Variants in TENM2 observed in about 807,000 individuals in gnomAD.
TENM2 encodes the protein teneurin transmembrane protein 2, also known as teneurin-2.
A neutral mutation model predicts 245.2 loss-of-function variants in TENM2; 52 were observed. That is an observed-to-expected ratio of 0.21 (90% CI 0.17 to 0.27). The LOEUF is 0.27. Ranked by LOEUF, TENM2 falls within the 10% of genes least tolerant of loss-of-function variation. The pLI, the probability that TENM2 is intolerant of heterozygous loss-of-function variation, is 1.00. For synonymous variants in TENM2, 1,363 were observed against 1,438.9 expected (o/e 0.95, Z 1.19); for missense variants, 3,046 against 3,666.8 (o/e 0.83, Z 4.37).
intron 9 of TENM2, among the ~76,000 whole-genome samples, chr5:168,099,776 G>C (rs1793658709): frequency 6.6e-6 from 1 of 152,186 alleles, no homozygotes; most frequent in South Asian, 2.1e-4. Context: ...GATAAGTGAA[G>C]GGGGCTTTCT....
chr5:168,181,701 G>A (rs1421940963), intron 13 of TENM2, among the ~76,000 whole-genome samples: 1 of 121,864 alleles, frequency 8.2e-6, no homozygotes, highest in Non-Finnish European at 1.6e-5. Context: ...TTTTGAGACA[G>A]AGTCTCGCTT....
the TENM2 span, among the ~76,000 whole-genome samples, chr5:167,100,999 T>A: frequency 6.6e-6 from 1 of 152,216 alleles, no homozygotes; most frequent in African/African-American, 2.4e-5. Context: ...AGATACATGT[T>A]TAAGTACCAC....
Position 168,218,371 on chromosome 5 carries a change from G to C in TENM2, c.4480G>C (p.Asp1494His), listed in dbSNP as rs1234045725. 1 of 1,614,048 alleles carries C rather than the reference G, an allele frequency of 6.2e-7. No homozygotes were observed. The highest frequency in any genetic ancestry group is 1.1e-5 in the South Asian group (1 of 91,082). Residue 1494 changes from aspartate to histidine, a missense_variant, in exon 23 of 29, where the codon GAT (aspartate) becomes CAT (histidine). Asp to His is a moderately conservative substitution (Grantham distance 81). Transcript: ENST00000518659. This position sits in a 1 kb window ranked among gnomAD's most constrained non-coding sequence, Gnocchi z 5.2. ...TGGGGTCCTCTACATCACTGAGACA[G>C]ATGAGAAGAAGATTAACCGTCTACG...
rs1562332259 is a variant in TENM2, at chr5:168,247,180, G to A, written c.6241G>A (p.Glu2081Lys). ...GGACAAGCAGATCTACAGGTTCTCC[G>A]AGGAAGGCATGGTCAATGCCAGGTT... Residue 2081 changes from glutamate (E) to lysine (K), a missense_variant, in exon 27 of 29, where the codon GAG (glutamate) becomes AAG (lysine). Physicochemically the swap from Glu to Lys is moderately conservative, Grantham distance 56 (BLOSUM62 1). Transcript: ENST00000518659. The surrounding 1 kb of genome is among the most constrained non-coding windows in gnomAD (Gnocchi z 7.8). The A allele has an allele frequency of 1.2e-6, 2 of 1,613,858 alleles. No individual in the cohort carries two copies. Among genetic ancestry groups the A allele is most frequent in the Non-Finnish European group, 8.5e-7 (1 of 1,179,878 alleles).
intron 2 of TENM2, among the ~76,000 whole-genome samples, chr5:167,487,467 TTGTG>T (rs141079824): frequency 1.3e-5 from 2 of 152,252 alleles, no homozygotes; most frequent in Admixed American, 1.3e-4. Context: ...ATATGTGTTT[TTGTG>T]TGTGTCTTTT....
chr5:167,602,376 G>GTTCTGA lies in TENM2; in HGVS notation c.502+226904_502+226905insTCTGAT, dbSNP rs560101167. Among the ~76,000 whole-genome samples, 888 of 152,200 alleles carry GTTCTGA rather than the reference G, an allele frequency of 5.8e-3. 2 individuals carry two copies. The highest frequency in any genetic ancestry group is 9.8e-3 in the Non-Finnish European group (667 of 68,014). On this transcript the variant is annotated intron_variant, in intron 2 of 28. Coordinates refer to ENST00000518659, the Ensembl canonical transcript of TENM2. Reference sequence around the variant, plus strand: ...GCCATCTGCAAGACAGAACGATGACGTGTGTGTGTCACCTCTCCACTCAGG... The same window carrying GTTCTGA: ...GCCATCTGCAAGACAGAACGATGACGTTCTGATGTGTGTGTCACCTCTCCACTCAGG...
At chr5:167,427,833 G>GAAGGA (rs1244102307) in intron 2 of TENM2, among the ~76,000 whole-genome samples, 1 of 108,062 alleles carries the variant, frequency 9.3e-6, no homozygotes, top group Non-Finnish European at 1.7e-5. Flanking sequence ...GAAGGGACGG[G>GAAGGA]AGGGAAGGAA....
chr5:167,949,042 T>A (rs2151821192), intron 3 of TENM2: 1 of 152,330 alleles, frequency 6.6e-6, no homozygotes, highest in South Asian at 2.1e-4. Context: ...AAGGTGCTTG[T>A]GATCATTTGT....
intron 2 of TENM2, chr5:167,721,457 G>T (rs1368590198): frequency 6.6e-6 from 1 of 152,188 alleles, no homozygotes; most frequent in Non-Finnish European, 1.5e-5. Flanking sequence ...GGTGTTAGTT[G>T]GGTTTCGTCT....
At position 167,462,183 on chromosome 5, in the gene TENM2, C is replaced by CA. The variant is rs1251778469; in HGVS notation, c.502+86710_502+86711insA. Among the ~76,000 whole-genome samples, 24 of 32,442 alleles carry CA rather than the reference C, an allele frequency of 7.4e-4. 2 individuals are homozygous for CA. The highest frequency in any genetic ancestry group is 1.3e-3 in the Non-Finnish European group (16 of 12,364). 21.3% of individuals were successfully genotyped at this position (32,442 alleles called of 152,430 possible). ...AACGGGAGAGTTCCCTGACCCCCAC[C>CA]CCCCCCCCCCATTGCAGGACATGCA... On this transcript the variant is annotated intron_variant, in intron 2 of 28. Coordinates refer to ENST00000518659, the Ensembl canonical transcript of TENM2.
rs139311324 is a variant in TENM2, at chr5:167,576,499, T to C, written c.502+201026T>C. 5.5e-3 allele frequency among the ~76,000 whole-genome samples: 844 copies of C among 152,316 alleles called. 6 individuals are homozygous for C. The highest frequency in any genetic ancestry group is 0.019 in the African/African-American group (803 of 41,578). The stretch of plus-strand genomic sequence containing the variant: ...TGTTCTATAGAAAGCTATTAAAACT[T>C]GAGTTCGATTTTAAAATTATGAGAT... On this transcript the variant is annotated intron_variant, in intron 2 of 28. Transcript: ENST00000518659.
At chr5:168,229,080 TTATAA>T (rs952967961) in intron 25 of TENM2, among the ~76,000 whole-genome samples, 6 of 148,968 alleles carry the variant, frequency 4.0e-5, no homozygotes, top group East Asian at 1.9e-4. Context: ...ATATGTATAA[TTATAA>T]TATTATAATG....
intron 2 of TENM2, among the ~76,000 whole-genome samples, chr5:167,431,956 T>TAC (rs1764265011): frequency 3.7e-5 from 2 of 54,790 alleles, no homozygotes; most frequent in Non-Finnish European, 8.8e-5. Flanking sequence ...TATGTATATA[T>TAC]ATATGTATAT....
chr5:167,851,888 A>G (rs1178765953), intron 2 of TENM2, among the ~76,000 whole-genome samples: 1 of 152,256 alleles, frequency 6.6e-6, no homozygotes, highest in African/African-American at 2.4e-5. Context: ...TTAGAGTTAT[A>G]TCAATTGATA....
intron 2 of TENM2, among the ~76,000 whole-genome samples, chr5:167,396,847 T>G (rs1471931698): frequency 6.6e-6 from 1 of 152,148 alleles, no homozygotes; most frequent in Non-Finnish European, 1.5e-5. Context: ...AAGGTAAGGC[T>G]TTGAATGTCA....
intron 2 of TENM2, among the ~76,000 whole-genome samples, chr5:167,681,182 G>C (rs1379263304): frequency 6.6e-6 from 1 of 152,012 alleles, no homozygotes; most frequent in African/African-American, 2.4e-5. Flanking sequence ...CAATATTATT[G>C]TTTCAATTAT....
chr5:167,279,133 T>G, the TENM2 span, among the ~76,000 whole-genome samples: 2 of 152,176 alleles, frequency 1.3e-5, no homozygotes, highest in African/African-American at 4.8e-5. Context: ...TTTCTGATAA[T>G]AAGTCCACTT....
chr5:167,796,823 A>C (rs1341383890), intron 2 of TENM2, among the ~76,000 whole-genome samples: 2 of 152,116 alleles, frequency 1.3e-5, no homozygotes, highest in African/African-American at 4.8e-5. Context: ...TCCATGTTCA[A>C]GTGTTTTTGT....
At chr5:167,466,689 A>G (rs1326107235) in intron 2 of TENM2, among the ~76,000 whole-genome samples, 2 of 152,220 alleles carry the variant, frequency 1.3e-5, no homozygotes, top group Non-Finnish European at 2.9e-5. Context: ...ATTATTTTTA[A>G]TGGAAAATGA....
Sources: allele counts gnomAD v4.1 joint callset (sites outside exome capture counted in the v4.1 genomes callset), GRCh38; gene constraint gnomAD v4.1.1; non-coding constraint Gnocchi (gnomAD v3.1); transcripts MANE v1.5; gene names NCBI Gene and HGNC (gene_info 2026-07-23, HGNC 2026-07-21).